FAM193A: variants seen among roughly 807,000 people sequenced by gnomAD.
FAM193A encodes the protein protein FAM193A.
A neutral mutation model predicts 126.5 loss-of-function variants in FAM193A; 22 were observed. The observed-to-expected ratio is 0.17, with a 90% CI of 0.12 to 0.25. The LOEUF (loss-of-function observed/expected upper bound fraction) is 0.25. Ranked by LOEUF, FAM193A falls within the 10% of genes least tolerant of loss-of-function variation. The pLI is 1.00. For missense variants in FAM193A, 1,675 were observed against 1,672.8 expected, an observed-to-expected ratio of 1.00 and a Z score of -0.02; for synonymous variants, 761 against 646.8, an observed-to-expected ratio of 1.18 and a Z score of -2.68.
intron 20 of FAM193A, among the ~76,000 whole-genome samples, chr4:2,718,100 A>G (rs542692963): frequency 6.6e-6 from 1 of 152,344 alleles, no homozygotes; most frequent in East Asian, 1.9e-4. Context: ...ATCCTGAAAC[A>G]TAATGAGTTA....
At position 2,631,110 on chromosome 4, in the gene FAM193A, G is replaced by C. The variant is rs748574144; in HGVS notation, c.979G>C (p.Glu327Gln). Residue 327 changes from glutamate (E) to glutamine (Q), a missense_variant, in exon 5 of 21, where the codon GAG (glutamate) becomes CAG (glutamine). Transcript: ENST00000637812. ...GCACCAGTTCATCTCCCTCCTGCTT[G>C]AGGAGTACGGCGCCCTCTGCCAGGC... ...QAHQFISLLL[E>Q]EYGALCQAAR... 5 of 1,613,884 alleles carry C rather than the reference G, an allele frequency of 3.1e-6. No homozygotes were observed. The highest frequency in any genetic ancestry group is 4.2e-6 in the Non-Finnish European group (5 of 1,179,962).
chr4:2,587,091 A>G (rs74463558), intron 1 of FAM193A, among the ~76,000 whole-genome samples: 425 of 152,260 alleles, frequency 2.8e-3, no homozygotes, highest in African/African-American at 7.7e-3. Flanking sequence ...GTGTTGCTAT[A>G]AGGAATACCT....
At chr4:2,588,515 T>C (rs1740357676) in intron 1 of FAM193A, among the ~76,000 whole-genome samples, 1 of 151,908 alleles carries the variant, frequency 6.6e-6, no homozygotes, top group African/African-American at 2.4e-5. Context: ...GGAGCACAGG[T>C]GATGGTGATG....
At chr4:2,641,484 T>C (rs1267367643) in intron 6 of FAM193A, among the ~76,000 whole-genome samples, 3 of 151,604 alleles carry the variant, frequency 2.0e-5, no homozygotes, top group Non-Finnish European at 2.9e-5. Context: ...TGAAACCTCG[T>C]CTCTACTAAA....
rs550152072 is a variant in FAM193A, at chr4:2,552,050, C to A, written c.255+14880C>A. Among the ~76,000 whole-genome samples the A allele has an allele frequency of 3.0e-5, 4 of 133,400 alleles. No homozygotes were observed. In the Admixed American group the frequency reaches 3.4e-4, roughly 11 times the overall value. The allele number at this position is 133,400 out of a possible 152,430, so 87.5% of individuals were successfully genotyped here. On this transcript the variant is annotated intron_variant, in intron 1 of 20. Coordinates refer to ENST00000637812, the MANE Select transcript of FAM193A (RefSeq NM_001366318.2). ...TTTTCGAGACAGAGTCTTGCTCTGT[C>A]GCCCAGCCTGGAGTGCAGTGGCTGG...
intron 2 of FAM193A, among the ~76,000 whole-genome samples, chr4:2,620,764 A>G (rs1742491881): frequency 7.2e-6 from 1 of 139,490 alleles, no homozygotes; most frequent in South Asian, 2.3e-4. Context: ...TGAACCCAGG[A>G]GGCGGAGTTT....
At chr4:2,553,934 C>G (rs890016985) in intron 1 of FAM193A, among the ~76,000 whole-genome samples, 1 of 152,066 alleles carries the variant, frequency 6.6e-6, no homozygotes, top group Non-Finnish European at 1.5e-5. Flanking sequence ...CTGACTTGTT[C>G]CTCTTTGCCT....
rs879464912 is a variant in FAM193A at position 2,543,668 on chromosome 4, C to G, written c.255+6498C>G. 2.0e-5 allele frequency among the ~76,000 whole-genome samples: 3 copies of G among 151,814 alleles called. No individual in the cohort carries two copies. The East Asian group carries it at 5.8e-4, about 30-fold the overall frequency. On this transcript the variant is annotated intron_variant, in intron 1 of 20. Coordinates refer to ENST00000637812, the MANE Select transcript of FAM193A (RefSeq NM_001366318.2). ...TGTCAGGAGTTTGAGACCAGCCTGG[C>G]CAACATGGAGAAACCCCATCTCTAC...
At chr4:2,546,693 T>C (rs1230220654) in intron 1 of FAM193A, among the ~76,000 whole-genome samples, 2 of 152,214 alleles carry the variant, frequency 1.3e-5, no homozygotes, top group Non-Finnish European at 2.9e-5. Flanking sequence ...GGGGTTGTTT[T>C]GAGGTTTTGG....
intron 1 of FAM193A, among the ~76,000 whole-genome samples, chr4:2,571,622 A>T (rs1739296483): frequency 6.6e-6 from 1 of 151,388 alleles, no homozygotes; most frequent in African/African-American, 2.4e-5. Flanking sequence ...CTCACTGCAA[A>T]CTCTGCCTCC....
At chr4:2,592,461 G>T (rs1204660884) in intron 1 of FAM193A, among the ~76,000 whole-genome samples, 1 of 152,124 alleles carries the variant, frequency 6.6e-6, no homozygotes, top group Non-Finnish European at 1.5e-5. Flanking sequence ...AACTAGAAGT[G>T]GATTTATCTT....
At chr4:2,555,636 G>C (rs4302516) in intron 1 of FAM193A, among the ~76,000 whole-genome samples, 48,844 of 150,704 alleles carry the variant, frequency 0.32, 9,255 homozygotes, top group Admixed American at 0.51. Context: ...TTTTGTTTTT[G>C]AGACAGAGTC....
chr4:2,652,928 A>G (rs561343221), intron 7 of FAM193A, among the ~76,000 whole-genome samples: 5 of 152,334 alleles, frequency 3.3e-5, no homozygotes, highest in Admixed American at 2.6e-4. Context: ...GAGCCTCACT[A>G]CTGCTTCCTG....
upstream of FAM193A, among the ~76,000 whole-genome samples, chr4:2,535,783 C>T (rs1560424230): frequency 6.6e-6 from 1 of 152,160 alleles, no homozygotes; most frequent in Non-Finnish European, 1.5e-5. Flanking sequence ...AGCAAGGCAC[C>T]GGGACCACTG....
intron 1 of FAM193A, among the ~76,000 whole-genome samples, chr4:2,571,089 T>G (rs1236576884): frequency 6.6e-6 from 1 of 152,200 alleles, no homozygotes; most frequent in Admixed American, 6.5e-5. Flanking sequence ...ACCTTACCCA[T>G]AGGCTCTGCT....
Position 2,631,024 on chromosome 4 carries a change from G to T in FAM193A, c.893G>T (p.Arg298Leu). 3 of 1,613,552 alleles carry T rather than the reference G, an allele frequency of 1.9e-6. No homozygotes were observed. Among genetic ancestry groups the T allele is most frequent in the Non-Finnish European group, 2.5e-6 (3 of 1,180,022 alleles). The change falls in exon 5 of 21, where the codon CGG becomes CTG. Residue 298 changes from arginine (R) to leucine (L), a missense_variant. Around this residue, in one of 4 missense-constraint regions of FAM193A, gnomAD observed 1,186 missense variants for 1,109.2 expected, o/e 1.07. Transcript: ENST00000637812. ...YVLEMKVRLL[R>L]QLSAAAKVKA... Reference sequence around the variant, plus strand: ...CTGGAGATGAAGGTCCGCCTGCTCCGGCAGCTGTCGGCTGCGGCCAAGGTG... The same window carrying T: ...CTGGAGATGAAGGTCCGCCTGCTCCTGCAGCTGTCGGCTGCGGCCAAGGTG...
At chr4:2,638,265 G>A (rs773395410) in intron 5 of FAM193A, among the ~76,000 whole-genome samples, 1 of 152,200 alleles carries the variant, frequency 6.6e-6, no homozygotes, top group African/African-American at 2.4e-5. Flanking sequence ...GGAGAGCAGC[G>A]GACTATTGTA....
At chr4:2,648,362 C>T (rs1335642645) in intron 7 of FAM193A, among the ~76,000 whole-genome samples, 2 of 152,196 alleles carry the variant, frequency 1.3e-5, no homozygotes, top group African/African-American at 2.4e-5. Flanking sequence ...GAGGAGGGGC[C>T]TCAGAGATCA....
intron 16 of FAM193A, 133 bp downstream of exon 16, chr4:2,694,007 A>T (rs907893836): frequency 1.5e-5 from 14 of 964,158 alleles, no homozygotes; most frequent in Middle Eastern, 3.0e-4. Flanking sequence ...GAATGCAGGG[A>T]TGTCCCCAGC....
Sources: gnomAD v4.1 joint callset for allele counts (sites outside exome capture counted in the v4.1 genomes callset) on GRCh38, gnomAD v4.1.1 for gene constraint, gnomAD v4.1.1 regional missense constraint, MANE v1.5 for transcripts, NCBI Gene and HGNC (gene_info 2026-07-23, HGNC 2026-07-21) for gene names.